MMP26: variants seen among roughly 807,000 people sequenced by gnomAD.
MMP26 encodes matrix metallopeptidase 26.
In MMP26, 33 loss-of-function variants were observed where a neutral mutation model predicts 31.0. That is an observed-to-expected ratio of 1.06 (90% confidence interval 0.81 to 1.42). The LOEUF is 1.42. MMP26 is among the 40% of genes most tolerant of loss of function. The probability of loss-of-function intolerance (pLI) is 0.00; values close to 1 mark genes in which losing one functional copy is unlikely to be tolerated. For synonymous variants in MMP26, 122 were observed against 114.9 expected, an observed-to-expected ratio of 1.06 and a Z score of -0.40; for missense variants, 347 against 316.1, an observed-to-expected ratio of 1.10 and a Z score of -0.74.
intron 2 of MMP26, among the ~76,000 whole-genome samples, chr11:4,828,972 C>G (rs1029485810): frequency 6.6e-6 from 1 of 152,068 alleles, no homozygotes; most frequent in Non-Finnish European, 1.5e-5. Context: ...CCCATCTGCC[C>G]GGGAGTTTCA....
chr11:4,906,986 C>T (rs1185130071), intron 2 of MMP26, among the ~76,000 whole-genome samples: 1 of 151,138 alleles, frequency 6.6e-6, no homozygotes, highest in Non-Finnish European at 1.5e-5. Context: ...ATCCCAGCTA[C>T]TTGGGAGGCT....
At chr11:4,836,222 A>G (rs1384552605) in intron 2 of MMP26, among the ~76,000 whole-genome samples, 1 of 152,038 alleles carries the variant, frequency 6.6e-6, no homozygotes, top group Non-Finnish European at 1.5e-5. Flanking sequence ...GCTATAATAA[A>G]TAAGTGATAT....
intron 2 of MMP26, among the ~76,000 whole-genome samples, chr11:4,986,960 CCT>C (rs149249645): frequency 1.7e-4 from 9 of 53,270 alleles, no homozygotes; most frequent in Non-Finnish European, 1.5e-4. Flanking sequence ...TCTCTCTCTC[CCT>C]CTCTCTCTCT....
chr11:4,964,673 G>T (rs772980427), intron 2 of MMP26, among the ~76,000 whole-genome samples: 3 of 152,024 alleles, frequency 2.0e-5, no homozygotes. Context: ...AAACCTAAAT[G>T]CTCACAAATG....
chr11:4,895,174 T>A (rs1362466812), intron 2 of MMP26, among the ~76,000 whole-genome samples: 1 of 152,214 alleles, frequency 6.6e-6, no homozygotes, highest in Non-Finnish European at 1.5e-5. Context: ...TAACAAGTAT[T>A]AAAATTCAGC....
chr11:4,743,079 A>C (rs953697943), intron 1 of MMP26, among the ~76,000 whole-genome samples: 1 of 152,162 alleles, frequency 6.6e-6, no homozygotes, highest in Admixed American at 6.5e-5. Context: ...GGAATAATTA[A>C]TTTTTATTAA....
intron 2 of MMP26, among the ~76,000 whole-genome samples, chr11:4,857,630 G>A (rs12419536): frequency 0.36 from 53,960 of 151,910 alleles, 11,817 homozygotes; most frequent in South Asian, 0.67. Context: ...ATTCACAGCC[G>A]AATTCTACCA....
chr11:4,944,199 G>A (rs1846260022), intron 2 of MMP26: 1 of 415,966 alleles, frequency 2.4e-6, no homozygotes, highest in African/African-American at 2.1e-5. Context: ...TTCTACACTA[G>A]GATAGGTTTG....
intron 2 of MMP26, chr11:4,882,925 A>G: frequency 6.5e-7 from 1 of 1,530,608 alleles, no homozygotes; most frequent in Non-Finnish European, 8.9e-7. Context: ...TTTGGAAAGA[A>G]AGGGACTTGG....
intron 2 of MMP26, among the ~76,000 whole-genome samples, chr11:4,986,267 T>C (rs1846885452): frequency 6.6e-6 from 1 of 152,146 alleles, no homozygotes; most frequent in South Asian, 2.1e-4. Flanking sequence ...AAACACAGAA[T>C]TGCCTTATAA....
intron 2 of MMP26, among the ~76,000 whole-genome samples, chr11:4,983,048 G>C: frequency 6.6e-6 from 1 of 152,112 alleles, no homozygotes; most frequent in East Asian, 1.9e-4. Context: ...TCTATGAGAC[G>C]GTAAACTAAC....
At chr11:4,766,150 A>G (rs956335539) in intron 1 of MMP26, among the ~76,000 whole-genome samples, 1 of 152,110 alleles carries the variant, frequency 6.6e-6, no homozygotes, top group Non-Finnish European at 1.5e-5. Context: ...ATGCTTGCTA[A>G]TTTTTGCTAT....
intron 2 of MMP26, among the ~76,000 whole-genome samples, chr11:4,898,422 T>C (rs1017814594): frequency 2.6e-5 from 4 of 152,116 alleles, no homozygotes; most frequent in African/African-American, 9.7e-5. Flanking sequence ...TTTGGGGTTG[T>C]TTGCTGTGGC....
At chr11:4,934,828 A>G (rs1298302503) in intron 2 of MMP26, among the ~76,000 whole-genome samples, 1 of 150,966 alleles carries the variant, frequency 6.6e-6, no homozygotes, top group East Asian at 1.9e-4. Context: ...TTTATTAAAT[A>G]GGGAATCCTT....
At chr11:4,905,531 T>C (rs554341890) in intron 2 of MMP26, among the ~76,000 whole-genome samples, 1 of 152,296 alleles carries the variant, frequency 6.6e-6, no homozygotes, top group East Asian at 1.9e-4. Flanking sequence ...CCACTGAAGG[T>C]TGATGACTTT....
At chr11:4,821,125 C>T (rs936346454) in intron 2 of MMP26, among the ~76,000 whole-genome samples, 3 of 152,046 alleles carry the variant, frequency 2.0e-5, no homozygotes, top group South Asian at 2.1e-4. Flanking sequence ...TATTGGCAGA[C>T]GTGACTTAAT....
Position 4,804,218 on chromosome 11 carries a change from C to G in MMP26, c.-145+36877C>G, listed in dbSNP as rs753882998. ...TACATGGGCTCATGCAGGGTGTGGT[C>G]AATTCTGATTACATGGAGGAGAGTG... is the stretch of plus-strand genomic sequence containing the variant. On this transcript the variant is annotated intron_variant, in intron 2 of 7. Transcript: ENST00000380390. 2.5e-6 allele frequency: 4 copies of G among 1,613,972 alleles called. No individual in the cohort carries two copies. The Admixed American group carries it at 6.7e-5, about 27-fold the overall frequency.
At chr11:4,945,790 A>T (rs964139620) in intron 2 of MMP26, 1 of 282,070 alleles carries the variant, frequency 3.5e-6, no homozygotes, top group Non-Finnish European at 6.7e-6. Flanking sequence ...ATGGATAAAG[A>T]GACAGCTAAT....
chr11:4,991,261 A>T, intron 5 of MMP26, 110 bp from the exon 6 acceptor site: 2 of 1,316,200 alleles, frequency 1.5e-6, no homozygotes, highest in Non-Finnish European at 2.1e-6. Context: ...CACATCCCCC[A>T]GTGGTAGACT....
Sources: gnomAD v4.1 joint callset for allele counts (sites outside exome capture counted in the v4.1 genomes callset) on GRCh38, gnomAD v4.1.1 for gene constraint, MANE v1.5 for transcripts, NCBI Gene and HGNC (gene_info 2026-07-23, HGNC 2026-07-21) for gene names.